BFSP1: variants seen among roughly 807,000 people sequenced by gnomAD.
BFSP1 encodes filensin.
BFSP1 carries 38 observed loss-of-function variants against 43.9 expected under a neutral mutation model. That is an observed-to-expected ratio of 0.87 (90% CI 0.67 to 1.14). The LOEUF (loss-of-function observed/expected upper bound fraction) is 1.14. Ranked by LOEUF, BFSP1 falls within the 50% of genes most tolerant of loss-of-function variation. BFSP1 has a pLI of 0.00. For missense variants in BFSP1, 850 were observed against 875.1 expected (o/e 0.97, Z 0.36); for synonymous variants, 352 against 354.8 (o/e 0.99, Z 0.09).
At chr20:17,550,297 T>A (rs1055415975) in intron 1 of BFSP1, among the ~76,000 whole-genome samples, 1 of 151,986 alleles carries the variant, frequency 6.6e-6, no homozygotes, top group Non-Finnish European at 1.5e-5. Flanking sequence ...AAATGTCTCA[T>A]CTTTGTTTTA....
chr20:17,527,677 G>A (rs963691774), intron 1 of BFSP1, among the ~76,000 whole-genome samples: 5 of 152,020 alleles, frequency 3.3e-5, no homozygotes, highest in Admixed American at 6.6e-5. Flanking sequence ...GCAGTGAGCC[G>A]AGATCACGCC....
rs1389995341 is a variant in BFSP1 at position 17,496,972 on chromosome 20, A to G, written c.1008T>C (p.His336=). ...CGGATCCAGTGCTGAGAGAGACTCC[A>G]TGGCTCTGGGTGAACAGGGGAATGG... ...ETPIPLFTQS[H]GVSLSTGSGG... The change falls in exon 7 of 8, where the codon CAT becomes CAC. Residue 336 remains histidine (H), a synonymous_variant. Coordinates refer to ENST00000377873, the MANE Select transcript of BFSP1 (RefSeq NM_001195.5). 7 of 1,544,550 alleles carry G rather than the reference A, an allele frequency of 4.5e-6. No homozygotes were observed. Among genetic ancestry groups the G allele is most frequent in the Non-Finnish European group, 5.2e-6 (6 of 1,145,184 alleles).
In BFSP1 at chr20:17,494,222, A is replaced by C. The variant is rs756560738; in HGVS notation, c.1850T>G (p.Leu617Trp). 6.2e-7 allele frequency: 1 copy of C among 1,614,050 alleles called. No homozygotes were observed. The highest frequency in any genetic ancestry group is 1.3e-5 in the African/African-American group (1 of 74,936). ...SLPEKGPPKALAYKTVEVVES... is the reference protein window; with the variant it reads ...SLPEKGPPKAWAYKTVEVVES... ...CACCACTTCCACTGTCTTATAGGCC[A>C]AAGCCTTGGGAGGGCCTTTTTCTGG... Residue 617 changes from leucine (L) to tryptophan (W), a missense_variant, in exon 8 of 8, where the codon TTG becomes TGG. By Grantham distance (61) the Leu-to-Trp change is moderately conservative. Coordinates refer to ENST00000377873, the MANE Select transcript of BFSP1 (RefSeq NM_001195.5).
At chr20:17,552,664 AT>A (rs2034914534) in intron 1 of BFSP1, among the ~76,000 whole-genome samples, 1 of 152,140 alleles carries the variant, frequency 6.6e-6, no homozygotes, top group Non-Finnish European at 1.5e-5. Flanking sequence ...GAGTGATAGA[AT>A]TCTATATATA....
At chr20:17,556,630 C>A (rs975098916) in intron 1 of BFSP1, among the ~76,000 whole-genome samples, 4 of 151,922 alleles carry the variant, frequency 2.6e-5, no homozygotes, top group Non-Finnish European at 5.9e-5. Context: ...TTGTTCTGCA[C>A]ATTTTAAACC....
At chr20:17,532,605 T>C (rs112394709), upstream of BFSP1, among the ~76,000 whole-genome samples, 2,896 of 152,024 alleles carry the variant, frequency 0.019, 36 homozygotes, top group African/African-American at 0.027. Flanking sequence ...AAGGATTTTG[T>C]GCCATTATGT....
chr20:17,565,713 A>G (rs2035110833), intron 1 of BFSP1: 1 of 152,224 alleles, frequency 6.6e-6, no homozygotes, highest in African/African-American at 2.4e-5. Flanking sequence ...GAGGACTGGG[A>G]TTATGGGAAA....
intron 7 of BFSP1, among the ~76,000 whole-genome samples, chr20:17,496,302 GCAT>G (rs1475571454): frequency 6.6e-6 from 1 of 152,238 alleles, no homozygotes; most frequent in Non-Finnish European, 1.5e-5. Context: ...ATATGCATGA[GCAT>G]CCATATTACC....
chr20:17,539,105 C>CT (rs1156875265), intron 1 of BFSP1, among the ~76,000 whole-genome samples: 2,809 of 63,636 alleles, frequency 0.044, 310 homozygotes, highest in African/African-American at 0.11. Context: ...ATTTCTTCTT[C>CT]TTTTTTTTTT....
At chr20:17,556,713 GT>G (rs111541025) in intron 1 of BFSP1, among the ~76,000 whole-genome samples, 3,686 of 147,544 alleles carry the variant, frequency 0.025, 65 homozygotes, top group Non-Finnish European at 0.038. Flanking sequence ...TCTACCCAGA[GT>G]TTTTTTTTTA....
chr20:17,494,190 T>C lies in BFSP1; in HGVS notation c.1882A>G (p.Ile628Val), dbSNP rs751730461. The change falls in exon 8 of 8, where the codon ATC becomes GTC. Residue 628 changes from isoleucine (I) to valine (V), a missense_variant. Ile to Val is a conservative substitution (Grantham distance 29). Coordinates refer to ENST00000377873, the MANE Select transcript of BFSP1 (RefSeq NM_001195.5). ...AYKTVEVVES[I>V]EKISTESIQT... ...ATGCTCTCCGTGGAAATCTTCTCGA[T>C]AGATTCCACCACTTCCACTGTCTTA... is the stretch of plus-strand genomic sequence containing the variant. 1.4e-5 allele frequency: 23 copies of C among 1,614,066 alleles called. No homozygotes were observed. The highest frequency in any genetic ancestry group is 1.2e-4 in the African/African-American group (9 of 74,944).
At chr20:17,533,612 T>C (rs1173617328), upstream of BFSP1, among the ~76,000 whole-genome samples, 5 of 152,168 alleles carry the variant, frequency 3.3e-5, no homozygotes, top group Non-Finnish European at 5.9e-5. Flanking sequence ...TGACATCTCA[T>C]TGGTCAAAGC....
At position 17,539,105 on chromosome 20, in the gene BFSP1, C is replaced by CTTT. The variant is rs1156875265; in HGVS notation, c.3-14200_3-14198dup. Among the ~76,000 whole-genome samples the CTTT allele has an allele frequency of 7.0e-3, 442 of 63,530 alleles. 28 individuals carry two copies. The highest frequency in any genetic ancestry group is 0.016 in the African/African-American group (228 of 14,642). The allele number at this position is 63,530 out of a possible 152,430, so 41.7% of individuals were successfully genotyped here. A position where few individuals can be genotyped will look rare whatever the true frequency, so the allele number is the denominator to read the frequency against. On this transcript the variant is annotated intron_variant, in intron 1 of 7. Coordinates refer to the BFSP1 transcript ENST00000377868. ...TGCATCCATGAATATATTTCTTCTT[C>CTTT]TTTTTTTTTTTTTTTTTTTTTTTTT...
chr20:17,542,362 G>C (rs1184402385), intron 1 of BFSP1, among the ~76,000 whole-genome samples: 4 of 151,026 alleles, frequency 2.6e-5, no homozygotes, highest in Non-Finnish European at 4.4e-5. Context: ...GGCCGAGATA[G>C]GAGGACTGCT....
chr20:17,529,064 A>AGTGTGTGTGTGTGT (rs11473581), intron 1 of BFSP1, among the ~76,000 whole-genome samples: 1,922 of 147,180 alleles, frequency 0.013, 29 homozygotes, highest in African/African-American at 0.043. Flanking sequence ...TGGTTAAATA[A>AGTGTGTGTGTGTGT]GTGTGTGTGT....
intron 6 of BFSP1, 69 bp from the exon 7 acceptor site, chr20:17,497,092 G>C: frequency 8.0e-7 from 1 of 1,256,856 alleles, no homozygotes; most frequent in East Asian, 2.8e-5. Flanking sequence ...CGTTAATGTT[G>C]AGCAAAAATG....
chr20:17,562,836 G>A (rs1055229250), upstream of BFSP1: 1 of 152,124 alleles, frequency 6.6e-6, no homozygotes, highest in Non-Finnish European at 1.5e-5. Flanking sequence ...TAGATGCCAG[G>A]GCCCTTGGGG....
chr20:17,551,794 C>G (rs1004614419), intron 1 of BFSP1, among the ~76,000 whole-genome samples: 2 of 151,972 alleles, frequency 1.3e-5, no homozygotes, highest in Admixed American at 1.3e-4. Flanking sequence ...ACCAGCCTGA[C>G]CAACATGGTG....
intron 5 of BFSP1, among the ~76,000 whole-genome samples, 159 bp downstream of exon 5, chr20:17,508,730 G>A (rs78453044): frequency 6.6e-5 from 10 of 152,182 alleles, no homozygotes; most frequent in Non-Finnish European, 1.2e-4. Flanking sequence ...GGCCAGAGCA[G>A]AGCGCTTGGC....
Sources: allele counts gnomAD v4.1 joint callset (sites outside exome capture counted in the v4.1 genomes callset), GRCh38; gene constraint gnomAD v4.1.1; transcripts MANE v1.5; gene names NCBI Gene and HGNC (gene_info 2026-07-23, HGNC 2026-07-21).